QRICH2: variants seen among roughly 807,000 people sequenced by gnomAD.
The protein encoded by QRICH2 is glutamine rich 2.
In QRICH2, 119 loss-of-function variants were observed where a neutral mutation model predicts 168.3. That is an observed-to-expected ratio of 0.71 (90% CI 0.61 to 0.82). The LOEUF (loss-of-function observed/expected upper bound fraction) is 0.82, where lower values mean the gene tolerates loss of function less well. QRICH2 is among the 40% of genes least tolerant of loss of function. QRICH2 has a pLI of 0.00. For missense variants in QRICH2, 2,241 were observed against 2,491.6 expected, an observed-to-expected ratio of 0.90 and a Z score of 2.14; for synonymous variants, 894 against 951.2, an observed-to-expected ratio of 0.94 and a Z score of 1.11.
At chr17:76,299,574 T>C (rs1199047547) in intron 3 of QRICH2, among the ~76,000 whole-genome samples, 1 of 151,750 alleles carries the variant, frequency 6.6e-6, no homozygotes, top group East Asian at 2.0e-4. Context: ...CTGTCCCTAG[T>C]AAAAATACAA....
At position 76,308,252 on chromosome 17, in the gene QRICH2, C is replaced by G; in HGVS notation, c.-254G>C. 1 of 985,432 alleles carries G rather than the reference C, an allele frequency of 1.0e-6. No homozygotes were observed. Among genetic ancestry groups the G allele is most frequent in the Non-Finnish European group, 1.2e-6 (1 of 829,912 alleles). The allele number at this position is 985,432 out of a possible 1,614,324, so 61.0% of individuals were successfully genotyped here. On this transcript the variant is annotated 5_prime_UTR_variant, in exon 1 of 19. Coordinates refer to ENST00000680821, the MANE Select transcript of QRICH2 (RefSeq NM_001388453.1). ...GTCCCCGAGCTGGAGCCCTGGACTC[C>G]CAGTCCCCGCGCCGGCGGACGTTTG... is the stretch of plus-strand genomic sequence containing the variant.
rs973277272 is a variant in QRICH2, at chr17:76,280,549, G to A, written c.4462-98C>T. 3 of 1,593,342 alleles carry A rather than the reference G, an allele frequency of 1.9e-6. No homozygotes were observed. The highest frequency in any genetic ancestry group is 2.6e-6 in the Non-Finnish European group (3 of 1,165,364). ...GACCCCTATCACCAGGCAGGTTTCT[G>A]AGAGCCCACACTCGTCTCGCCAGCT... is the stretch of plus-strand genomic sequence containing the variant. On this transcript the variant is annotated intron_variant, in intron 10 of 18. Transcript: ENST00000680821. This position sits in a 1 kb window ranked among gnomAD's most constrained non-coding sequence, Gnocchi z 7.4.
rs376529941 is a variant in QRICH2 at position 76,307,457 on chromosome 17, G to A, written c.534+8C>T. On this transcript the variant is annotated splice_region_variant and intron_variant, in intron 1 of 18. Coordinates refer to ENST00000680821, the MANE Select transcript of QRICH2 (RefSeq NM_001388453.1). This position sits in a 1 kb window ranked among gnomAD's most constrained non-coding sequence, Gnocchi z 5.3. ...ACGGCCTGCGCGTGCCTCCGTGTGC[G>A]TGCTCACCCTGGCAAAGCTGAGCTC... 1.7e-5 allele frequency: 27 copies of A among 1,613,430 alleles called. No individual in the cohort carries two copies. The highest frequency in any genetic ancestry group is 1.1e-4 in the African/African-American group (8 of 74,918).
At position 76,292,907 on chromosome 17, in the gene QRICH2, T is replaced by C. The variant is rs779709311; in HGVS notation, c.1820A>G (p.Gln607Arg). The C allele has an allele frequency of 1.3e-5, 21 of 1,611,312 alleles. No individual in the cohort carries two copies. The highest frequency in any genetic ancestry group is 2.2e-5 in the South Asian group (2 of 91,030). The change falls in exon 4 of 19, where the codon CAG becomes CGG. Residue 607 changes from glutamine to arginine, a missense_variant. Around this residue, in one of 3 missense-constraint regions of QRICH2, gnomAD observed 2,047 missense variants for 2,303.8 expected, o/e 0.89. Coordinates refer to ENST00000680821, the MANE Select transcript of QRICH2 (RefSeq NM_001388453.1). ...QRGLVRPGMD[Q>R]SGLAQPGADQ... Reference sequence around the variant, plus strand: ...TGCACCAGGTTGGGCCAAACCAGACTGATCCATTCCAGGCCGGACCAAACC... The same window carrying C: ...TGCACCAGGTTGGGCCAAACCAGACCGATCCATTCCAGGCCGGACCAAACC...
At chr17:76,274,522 T>C (rs557212517) in intron 18 of QRICH2, among the ~76,000 whole-genome samples, 1 of 152,286 alleles carries the variant, frequency 6.6e-6, no homozygotes, top group East Asian at 1.9e-4. Context: ...GCTGCCTCTT[T>C]GGTACTGTTT....
chr17:76,279,477 C>T, intron 12 of QRICH2, 49 bp from the exon 13 acceptor site: 1 of 1,484,518 alleles, frequency 6.7e-7, no homozygotes, highest in Non-Finnish European at 9.3e-7. Flanking sequence ...GCCCGGAAGA[C>T]CCAGAAGGGC....
At position 76,280,030 on chromosome 17, in the gene QRICH2, C is replaced by T. The variant is rs1354105212; in HGVS notation, c.4748+3G>A. 1 of 1,606,192 alleles carries T rather than the reference C, an allele frequency of 6.2e-7. No individual in the cohort carries two copies. Among genetic ancestry groups the T allele is most frequent in the Non-Finnish European group, 8.5e-7 (1 of 1,176,050 alleles). ...GCCTCCTCCCCTGCCTCCCAGGCCT[C>T]ACCTCCGCATGGCAGCCGCCTCGTC... On this transcript the variant is annotated splice_donor_region_variant and intron_variant, in intron 12 of 18. Transcript: ENST00000680821. The surrounding 1 kb of genome is among the most constrained non-coding windows in gnomAD (Gnocchi z 7.4).
intron 7 of QRICH2, among the ~76,000 whole-genome samples, 178 bp downstream of exon 7, chr17:76,287,014 C>T (rs11657066): frequency 7.1e-6 from 1 of 140,528 alleles, no homozygotes; most frequent in African/African-American, 2.6e-5. Flanking sequence ...TTCGCCACCG[C>T]CCCCCCACCC....
chr17:76,274,324 C>A (rs1269307768), intron 18 of QRICH2, 64 bp from the exon 19 acceptor site: 3 of 1,501,418 alleles, frequency 2.0e-6, no homozygotes, highest in Non-Finnish European at 2.7e-6. Flanking sequence ...GTCACCCCAG[C>A]CTGCCCAATG....
At chr17:76,286,263 T>G (rs1233920095) in intron 7 of QRICH2, among the ~76,000 whole-genome samples, 1 of 152,056 alleles carries the variant, frequency 6.6e-6, no homozygotes, top group Non-Finnish European at 1.5e-5. Flanking sequence ...TTTCAACTGA[T>G]GACTAGATAA....
intron 12 of QRICH2, among the ~76,000 whole-genome samples, chr17:76,279,721 A>G (rs570853700): frequency 6.6e-6 from 1 of 152,226 alleles, no homozygotes; most frequent in African/African-American, 2.4e-5. Flanking sequence ...GCCAGGTCCT[A>G]TGGGCCAGGC....
chr17:76,291,384 C>T lies in QRICH2; in HGVS notation c.3343G>A (p.Gly1115Ser), dbSNP rs2070987725. The change falls in exon 4 of 19, where the codon GGC becomes AGC. Residue 1115 changes from glycine (G) to serine (S), a missense_variant. Gly to Ser is a moderately conservative substitution (Grantham distance 56). This residue lies in a region of QRICH2 where 2,047 missense variants were observed against 2,303.8 expected (regional missense o/e 0.89). Coordinates refer to ENST00000680821, the MANE Select transcript of QRICH2 (RefSeq NM_001388453.1). ...SHDSMYPGYR[G>S]PGYLSADQHG... Reference sequence around the variant, plus strand: ...TGATCAGCACTTAGATACCCTGGGCCACGATAACCAGGATACATTGAATCA... The same window carrying T: ...TGATCAGCACTTAGATACCCTGGGCTACGATAACCAGGATACATTGAATCA... The T allele has an allele frequency of 6.2e-7, 1 of 1,614,062 alleles. No individual in the cohort carries two copies. Among genetic ancestry groups the T allele is most frequent in the African/African-American group, 1.3e-5 (1 of 75,018 alleles).
At chr17:76,290,882 T>G in intron 4 of QRICH2, 133 bp downstream of exon 4, 1 of 1,382,000 alleles carries the variant, frequency 7.2e-7, no homozygotes, top group Non-Finnish European at 9.7e-7. Context: ...TGGGACATGC[T>G]CTGAATGACA....
Position 76,275,880 on chromosome 17 carries a change from G to C in QRICH2, c.5421C>G (p.Ser1807Arg). ...GCCGAGAGGGCAGCTGGCCATTGCT[G>C]CTGAGGGATGGCGGCCTGTGCACGT... ...RPHVHRPPSL[S>R]SNGQLPSRPQ... Residue 1807 changes from serine (S) to arginine (R), a missense_variant, in exon 18 of 19, where the codon AGC becomes AGG. Ser to Arg is a moderately radical substitution (Grantham distance 110). Around this residue, in one of 3 missense-constraint regions of QRICH2, gnomAD observed 189 missense variants for 169.3 expected, o/e 1.12. Transcript: ENST00000680821. 1.2e-6 allele frequency: 2 copies of C among 1,608,908 alleles called. No homozygotes were observed. Among genetic ancestry groups the C allele is most frequent in the Non-Finnish European group, 1.7e-6 (2 of 1,179,936 alleles).
At position 76,287,043 on chromosome 17, in the gene QRICH2, A is replaced by AACACAC. The variant is rs56258903; in HGVS notation, c.4011+143_4011+148dup. 1,365 of 202,778 alleles carry AACACAC rather than the reference A, an allele frequency of 6.7e-3. 5 individuals are homozygous for AACACAC. Among genetic ancestry groups the AACACAC allele is most frequent in the African/African-American group, 0.025 (555 of 22,648 alleles). 12.6% of individuals were successfully genotyped at this position (202,778 alleles called of 1,614,324 possible). On this transcript the variant is annotated intron_variant, in intron 7 of 18. Coordinates refer to ENST00000680821, the MANE Select transcript of QRICH2 (RefSeq NM_001388453.1). ...CCCACCCCCTGCCCACACACCACAT[A>AACACAC]ACACACACACACACACACACACACA...
rs144933522 is a variant in QRICH2 at position 76,291,220 on chromosome 17, G to A, written c.3507C>T (p.Ser1169=). The part of the protein sequence containing the change: ...DSVDRVLSEG[S]EVSSEVLSER... ...CACTCAGGACTTCACTCGAGACTTCGCTCCCTTCTGATAAGACTCGGTCGA... is the reference window on the plus strand; with the variant it reads ...CACTCAGGACTTCACTCGAGACTTCACTCCCTTCTGATAAGACTCGGTCGA... Residue 1169 remains serine, a synonymous_variant, in exon 4 of 19, where the codon AGC becomes AGT. Coordinates refer to ENST00000680821, the MANE Select transcript of QRICH2 (RefSeq NM_001388453.1). The A allele has an allele frequency of 5.0e-5, 81 of 1,614,118 alleles. No individual in the cohort carries two copies. The highest frequency in any genetic ancestry group is 1.7e-4 in the Middle Eastern group (1 of 6,060).
chr17:76,277,111 C>A, intron 16 of QRICH2, 52 bp downstream of exon 16: 1 of 1,499,174 alleles, frequency 6.7e-7, no homozygotes, highest in Non-Finnish European at 8.9e-7. Context: ...ACTCAGGAAT[C>A]TGGAGCCATG....
chr17:76,285,614 C>T lies in QRICH2; in HGVS notation c.4011+1578G>A, dbSNP rs139974312. 5.3e-3 allele frequency among the ~76,000 whole-genome samples: 806 copies of T among 151,072 alleles called. 6 individuals carry two copies. Among genetic ancestry groups the T allele is most frequent in the African/African-American group, 0.018 (744 of 41,264 alleles). On this transcript the variant is annotated intron_variant, in intron 7 of 18. Transcript: ENST00000680821. ...AGGCCAGGCCAGTACTTTGGGAGAC[C>T]GAGGCGGGTGGATCACCTGAGGTCA...
At chr17:76,288,383 TAAAAAAAAAAAA>T (rs770162922) in intron 5 of QRICH2, among the ~76,000 whole-genome samples, 6 of 39,248 alleles carry the variant, frequency 1.5e-4, no homozygotes, top group African/African-American at 2.3e-4. Flanking sequence ...GAATCAGTCT[TAAAAAAAAAAAA>T]AAAAAAAAAA....
Sources: allele counts gnomAD v4.1 joint callset (sites outside exome capture counted in the v4.1 genomes callset), GRCh38; gene constraint gnomAD v4.1.1; regional missense constraint gnomAD v4.1.1; non-coding constraint Gnocchi (gnomAD v3.1); transcripts MANE v1.5; gene names NCBI Gene and HGNC (gene_info 2026-07-23, HGNC 2026-07-21).